Variants in GTF2I observed in about 807,000 individuals in gnomAD.
The protein encoded by GTF2I is general transcription factor II-I.
In GTF2I, 12 loss-of-function variants were observed where a neutral mutation model predicts 67.6. The ratio of observed to expected loss-of-function variants is 0.18; its 90% CI spans 0.11 to 0.29. The LOEUF is 0.29. Among genes scored for constraint, GTF2I ranks in the 10% least tolerant of loss-of-function variants. GTF2I has a pLI of 1.00. For synonymous variants in GTF2I, 149 were observed against 197.0 expected, an observed-to-expected ratio of 0.76 and a Z score of 2.04; for missense variants, 271 against 580.1, an observed-to-expected ratio of 0.47 and a Z score of 5.47.
chr7:74,688,105 G>T (rs1431050232), intron 1 of GTF2I, among the ~76,000 whole-genome samples: 2 of 152,010 alleles, frequency 1.3e-5, no homozygotes, highest in Non-Finnish European at 2.9e-5. Context: ...GTGTGTGACA[G>T]GCTCACTCTG....
chr7:74,719,211 CCAGACTTGATA>C (rs1224746826), intron 12 of GTF2I, among the ~76,000 whole-genome samples: 2 of 152,094 alleles, frequency 1.3e-5, no homozygotes, highest in African/African-American at 4.8e-5. Context: ...AAAATTATGA[CCAGACTTGATA>C]CACACAAAAA....
intron 3 of GTF2I, among the ~76,000 whole-genome samples, chr7:74,692,858 G>T (rs1363672844): frequency 4.6e-5 from 7 of 152,080 alleles, no homozygotes; most frequent in African/African-American, 1.7e-4. Context: ...TGCCTCTTGG[G>T]TTCAAGTGAT....
intron 3 of GTF2I, among the ~76,000 whole-genome samples, chr7:74,695,633 T>C (rs1395359377): frequency 6.6e-6 from 1 of 152,202 alleles, no homozygotes; most frequent in Admixed American, 6.6e-5. Flanking sequence ...TTTTAAAAAC[T>C]ATCCCCTGCC....
chr7:74,693,551 A>T (rs1184316887), intron 3 of GTF2I, among the ~76,000 whole-genome samples: 1 of 151,848 alleles, frequency 6.6e-6, no homozygotes, highest in Non-Finnish European at 1.5e-5. Context: ...GAGACACAAT[A>T]TTGAAATTAG....
rs587751124 is a variant in GTF2I at position 74,667,321 on chromosome 7, C to T, written c.-6+9253C>T. 1.5e-4 allele frequency among the ~76,000 whole-genome samples: 23 copies of T among 151,998 alleles called. No homozygotes were observed. In the South Asian group the frequency reaches 4.6e-3, roughly 30 times the overall value. Reference sequence around the variant, plus strand: ...TCTTGCCACTGCTCTCCAGCCTAGGCGACAGAGCAAGACACCATCTCAAAA... The same window carrying T: ...TCTTGCCACTGCTCTCCAGCCTAGGTGACAGAGCAAGACACCATCTCAAAA... On this transcript the variant is annotated intron_variant, in intron 1 of 34. Transcript: ENST00000573035.
chr7:74,696,584 C>T (rs1788937307), intron 3 of GTF2I, among the ~76,000 whole-genome samples: 2 of 152,030 alleles, frequency 1.3e-5, no homozygotes, highest in Admixed American at 6.6e-5. Context: ...GCTTCACCTC[C>T]CGGGTTCACG....
At chr7:74,683,813 A>G (rs1554394712) in intron 1 of GTF2I, among the ~76,000 whole-genome samples, 1 of 152,120 alleles carries the variant, frequency 6.6e-6, no homozygotes, top group Non-Finnish European at 1.5e-5. Context: ...GGATCGTGCC[A>G]CTGCACTCCA....
At chr7:74,732,331 A>T in intron 14 of GTF2I, 148 bp from the exon 15 acceptor site, 1 of 1,170,894 alleles carries the variant, frequency 8.5e-7, no homozygotes, top group Non-Finnish European at 1.1e-6. Flanking sequence ...CCGAGATCAC[A>T]CCACTGCACT....
intron 1 of GTF2I, chr7:74,687,498 C>A (rs1376115969): frequency 1.7e-5 from 16 of 939,066 alleles, no homozygotes; most frequent in Non-Finnish European, 1.9e-5. Context: ...GCTGGGATTA[C>A]AGGCGTGAGC....
At chr7:74,732,746 A>C in intron 15 of GTF2I, 84 bp downstream of exon 15, 1 of 1,534,494 alleles carries the variant, frequency 6.5e-7, no homozygotes, top group Non-Finnish European at 8.7e-7. Flanking sequence ...TTCATTCACC[A>C]CTAGGTTCTA....
Position 74,724,082 on chromosome 7 carries a change from T to C in GTF2I, c.944-4704T>C, listed in dbSNP as rs753995941. 4.9e-4 allele frequency among the ~76,000 whole-genome samples: 74 copies of C among 152,220 alleles called. 1 individual carries two copies. Among genetic ancestry groups the C allele is most frequent in the Non-Finnish European group, 9.8e-4 (67 of 68,038 alleles). On this transcript the variant is annotated intron_variant, in intron 12 of 34. Coordinates refer to ENST00000573035, the MANE Select transcript of GTF2I (RefSeq NM_032999.4). The stretch of plus-strand genomic sequence containing the variant: ...TTTCTTAAATGTCTCTGCAGCACTT[T>C]TAAAATGGACATAATTGCTTAGGTT...
chr7:74,696,385 G>A (rs902709384), intron 3 of GTF2I, among the ~76,000 whole-genome samples: 2 of 151,788 alleles, frequency 1.3e-5, no homozygotes, highest in Non-Finnish European at 2.9e-5. Flanking sequence ...GGAGTGCAGT[G>A]GTGCGATCTT....
At chr7:74,658,664 G>A (rs1169849755) in intron 1 of GTF2I, among the ~76,000 whole-genome samples, 1 of 150,248 alleles carries the variant, frequency 6.7e-6, no homozygotes, top group Non-Finnish European at 1.5e-5. Flanking sequence ...GGGCGGGGGA[G>A]CGGGAGCGCT....
chr7:74,664,413 T>A (rs1239217036), intron 1 of GTF2I, among the ~76,000 whole-genome samples: 1 of 152,084 alleles, frequency 6.6e-6, no homozygotes, highest in African/African-American at 2.4e-5. Flanking sequence ...ATTGACTCAT[T>A]CTCCTTTGGT....
At chr7:74,728,337 A>G (rs1554406139) in intron 12 of GTF2I, among the ~76,000 whole-genome samples, 1 of 151,744 alleles carries the variant, frequency 6.6e-6, no homozygotes, top group African/African-American at 2.4e-5. Context: ...AAAAAAAACT[A>G]TTTACCCAAT....
rs373288799 is a variant in GTF2I, at chr7:74,710,971, C to T, written c.686-61C>T. ...TTTATAGGGAGGGCAGAGAGGATTT[C>T]CCTACACAATCTAGCTGAAAGTTCT... On this transcript the variant is annotated intron_variant, in intron 8 of 34. Coordinates refer to ENST00000573035, the MANE Select transcript of GTF2I (RefSeq NM_032999.4). The T allele has an allele frequency of 1.1e-5, 9 of 784,062 alleles. No homozygotes were observed. In the African/African-American group the frequency reaches 1.6e-4, roughly 14 times the overall value. The allele number at this position is 784,062 out of a possible 1,614,324, so 48.6% of individuals were successfully genotyped here. A position where few individuals can be genotyped will look rare whatever the true frequency, so the allele number is the denominator to read the frequency against.
At chr7:74,689,348 C>CTTTTTTTTTTTTT (rs1162860651) in intron 2 of GTF2I, 121 bp downstream of exon 2, 10 of 145,282 alleles carry the variant, frequency 6.9e-5, no homozygotes, top group African/African-American at 2.2e-4. Context: ...TTTTTCTTTA[C>CTTTTTTTTTTTTT]TTTTTTTTTT....
intron 1 of GTF2I, among the ~76,000 whole-genome samples, chr7:74,688,113 C>T (rs1005053844): frequency 6.6e-6 from 1 of 152,118 alleles, no homozygotes; most frequent in Non-Finnish European, 1.5e-5. Flanking sequence ...CAGGCTCACT[C>T]TGTCACCAAG....
chr7:74,721,447 C>T (rs1554404596), intron 12 of GTF2I, among the ~76,000 whole-genome samples: 1 of 152,096 alleles, frequency 6.6e-6, no homozygotes, highest in Admixed American at 6.6e-5. Flanking sequence ...TTTCAGAAGA[C>T]CAGTGAAATA....
Sources: allele counts gnomAD v4.1 joint callset (sites outside exome capture counted in the v4.1 genomes callset), GRCh38; gene constraint gnomAD v4.1.1; transcripts MANE v1.5; gene names NCBI Gene and HGNC (gene_info 2026-07-23, HGNC 2026-07-21).